The following ZFP2 variants were observed in gnomAD, a reference collection of about 807,000 sequenced individuals.
ZFP2 encodes the protein zinc finger protein ZFP2.
ZFP2 carries 33 observed loss-of-function variants against 36.1 expected under a neutral mutation model. The observed-to-expected ratio is 0.92, with a 90% CI of 0.69 to 1.22. ZFP2 has a LOEUF of 1.22. Among genes scored for constraint, ZFP2 ranks in the 50% most tolerant of loss-of-function variants. ZFP2 has a pLI of 0.00. For missense variants in ZFP2, 522 were observed against 551.4 expected, an observed-to-expected ratio of 0.95 and a Z score of 0.53; for synonymous variants, 170 against 178.0, an observed-to-expected ratio of 0.96 and a Z score of 0.36.
chr5:178,917,034 C>T (rs1758446315), intron 4 of ZFP2, among the ~76,000 whole-genome samples: 1 of 152,028 alleles, frequency 6.6e-6, no homozygotes, highest in Non-Finnish European at 1.5e-5. Context: ...AAGTGCTGTC[C>T]CTGGTGCCAG....
chr5:178,927,241 C>T (rs199686898), intron 4 of ZFP2, among the ~76,000 whole-genome samples: 1 of 152,150 alleles, frequency 6.6e-6, no homozygotes, highest in Non-Finnish European at 1.5e-5. Flanking sequence ...TTAAGGAATG[C>T]GTATTTAGGA....
chr5:178,907,456 T>C (rs556299480), intron 1 of ZFP2, among the ~76,000 whole-genome samples: 1 of 151,776 alleles, frequency 6.6e-6, no homozygotes, highest in South Asian at 2.1e-4. Flanking sequence ...AGCCTGACTT[T>C]AACAAAAAGT....
In ZFP2 at chr5:178,931,745, C is replaced by A; in HGVS notation, c.432C>A (p.Ser144=). Residue 144 remains serine (S), a synonymous_variant, in exon 5 of 5, where the codon TCC becomes TCA. Transcript: ENST00000361362. ...VCGKHFIERS[S]LTVHQRIHTG... Reference sequence around the variant, plus strand: ...GGAAACACTTCATTGAACGATCCTCCCTTACTGTACATCAAAGAATTCATA... The same window carrying A: ...GGAAACACTTCATTGAACGATCCTCACTTACTGTACATCAAAGAATTCATA... The A allele has an allele frequency of 6.2e-7, 1 of 1,614,052 alleles. No individual in the cohort carries two copies. Among genetic ancestry groups the A allele is most frequent in the Non-Finnish European group, 8.5e-7 (1 of 1,179,996 alleles).
At chr5:178,908,921 G>A (rs1758229833) in intron 1 of ZFP2, among the ~76,000 whole-genome samples, 1 of 152,162 alleles carries the variant, frequency 6.6e-6, no homozygotes. Flanking sequence ...GAACGTGTCT[G>A]GGGTCTGGGG....
chr5:178,908,165 C>T lies in ZFP2; in HGVS notation c.-449-4419C>T, dbSNP rs182905021. ...TGTAAATCTTTAAAAATAATTATTA[C>T]TGGCTGGGCGCAGTGGCTCACGTCT... is the stretch of plus-strand genomic sequence containing the variant. On this transcript the variant is annotated intron_variant, in intron 1 of 4. Transcript: ENST00000361362. Among the ~76,000 whole-genome samples the T allele has an allele frequency of 8.5e-5, 13 of 152,136 alleles. No individual in the cohort carries two copies. The East Asian group carries it at 1.7e-3, about 20-fold the overall frequency.
intron 1 of ZFP2, among the ~76,000 whole-genome samples, chr5:178,901,147 T>C (rs1027083086): frequency 6.8e-6 from 1 of 147,946 alleles, no homozygotes; most frequent in Admixed American, 6.7e-5. Context: ...GTATGAGTCT[T>C]TTTGTGGATA....
At chr5:178,916,854 C>T (rs1297533953) in intron 4 of ZFP2, 144 bp downstream of exon 4, 4 of 548,636 alleles carry the variant, frequency 7.3e-6, no homozygotes, top group Non-Finnish European at 9.3e-6. Flanking sequence ...CCTTGCCCTG[C>T]TGTGTTGTTA....
At chr5:178,896,638 T>C (rs1486526694) in intron 1 of ZFP2, among the ~76,000 whole-genome samples, 1 of 152,234 alleles carries the variant, frequency 6.6e-6, no homozygotes, top group Non-Finnish European at 1.5e-5. Context: ...GATTTCACTG[T>C]AGCACAACTG....
rs149928992 is a variant in ZFP2, at chr5:178,910,018, G to A, written c.-449-2566G>A. ...TTCCATAGGGTGATGGCTATTTGCC[G>A]ATGCAGTGACCACTGCCCTTCTTCA... On this transcript the variant is annotated intron_variant, in intron 1 of 4. Coordinates refer to ENST00000361362, the MANE Select transcript of ZFP2 (RefSeq NM_030613.4). 3,388 of 1,442,350 alleles carry A rather than the reference G, an allele frequency of 2.3e-3. 50 individuals are homozygous for A. In the African/African-American group the frequency reaches 0.033, roughly 14 times the overall value. 89.3% of individuals were successfully genotyped at this position (1,442,350 alleles called of 1,614,324 possible). A position where few individuals can be genotyped will look rare whatever the true frequency, so the allele number is the denominator to read the frequency against.
intron 4 of ZFP2, among the ~76,000 whole-genome samples, chr5:178,930,296 T>C (rs1339325834): frequency 6.7e-6 from 1 of 148,156 alleles, no homozygotes; most frequent in Non-Finnish European, 1.5e-5. Context: ...CATATTTCTT[T>C]CTTTTTTTTT....
chr5:178,923,864 G>A (rs1179645786), intron 4 of ZFP2, among the ~76,000 whole-genome samples: 3 of 148,068 alleles, frequency 2.0e-5, no homozygotes, highest in Admixed American at 1.4e-4. Context: ...AAATATGTTT[G>A]AACTTAAAAT....
In ZFP2 at chr5:178,932,025, G is replaced by A; in HGVS notation, c.712G>A (p.Gly238Arg). 1 of 1,613,944 alleles carries A rather than the reference G, an allele frequency of 6.2e-7. No individual in the cohort carries two copies. Among genetic ancestry groups the A allele is most frequent in the Non-Finnish European group, 8.5e-7 (1 of 1,179,996 alleles). ...GACAGTTCATCAGAGAACTCATACA[G>A]GAGAAAAACCCTATGAATGTAATGA... is the stretch of plus-strand genomic sequence containing the variant. ...NLTVHQRTHT[G>R]EKPYECNECG... Residue 238 changes from glycine to arginine, a missense_variant, in exon 5 of 5, where the codon GGA becomes AGA. Coordinates refer to ENST00000361362, the MANE Select transcript of ZFP2 (RefSeq NM_030613.4).
Position 178,933,132 on chromosome 5 carries a change from G to T in ZFP2, c.*433G>T. On this transcript the variant is annotated 3_prime_UTR_variant, in exon 5 of 5. Coordinates refer to ENST00000361362, the MANE Select transcript of ZFP2 (RefSeq NM_030613.4). ...ATGGTTCTTTATTTGGTAAATGAATGATTTTGGAGTTAGAAATCTTGTAGG... is the reference window on the plus strand; with the variant it reads ...ATGGTTCTTTATTTGGTAAATGAATTATTTTGGAGTTAGAAATCTTGTAGG... The T allele has an allele frequency of 5.8e-6, 1 of 171,596 alleles. No homozygotes were observed. The highest frequency in any genetic ancestry group is 1.4e-5 in the Non-Finnish European group (1 of 70,946). 10.6% of individuals were successfully genotyped at this position (171,596 alleles called of 1,614,324 possible). A position where few individuals can be genotyped will look rare whatever the true frequency, so the allele number is the denominator to read the frequency against.
At chr5:178,922,755 T>A (rs1444179527) in intron 4 of ZFP2, 2 of 1,535,210 alleles carry the variant, frequency 1.3e-6, no homozygotes, top group East Asian at 4.6e-5. Context: ...TTGTGCAGAT[T>A]CTGTAAGGGC....
At chr5:178,925,127 A>ATATATATG (rs1758641607) in intron 4 of ZFP2, among the ~76,000 whole-genome samples, 1 of 31,572 alleles carries the variant, frequency 3.2e-5, no homozygotes, top group Admixed American at 3.4e-4. Flanking sequence ...ATATATATAT[A>ATATATATG]CACACACACA....
At chr5:178,915,322 CTT>C (rs769089977) in intron 3 of ZFP2, among the ~76,000 whole-genome samples, 1,108 of 72,634 alleles carry the variant, frequency 0.015, 9 homozygotes, top group African/African-American at 0.027. Flanking sequence ...GTTTTTCTTT[CTT>C]TTTTTTTTTT....
intron 1 of ZFP2, among the ~76,000 whole-genome samples, chr5:178,904,392 CAG>C (rs1758123759): frequency 2.6e-5 from 4 of 152,098 alleles, no homozygotes; most frequent in Non-Finnish European, 2.9e-5. Context: ...GAGTGTCACT[CAG>C]GGCTGTTTTA....
chr5:178,908,256 G>A (rs57153194), intron 1 of ZFP2, among the ~76,000 whole-genome samples: 14,395 of 152,048 alleles, frequency 0.095, 739 homozygotes, highest in Non-Finnish European at 0.12. Flanking sequence ...AGACAATCCT[G>A]GCTAACATGG....
rs769825786 is a variant in ZFP2 at position 178,931,716 on chromosome 5, T to C, written c.403T>C (p.Cys135Arg). Residue 135 changes from cysteine to arginine, a missense_variant, in exon 5 of 5, where the codon TGT (cysteine) becomes CGT (arginine). Coordinates refer to ENST00000361362, the MANE Select transcript of ZFP2 (RefSeq NM_030613.4). Reference sequence around the variant, plus strand: ...GGAGAAACCCTATAAGTGTAATGTATGTGGGAAACACTTCATTGAACGATC... The same window carrying C: ...GGAGAAACCCTATAAGTGTAATGTACGTGGGAAACACTTCATTGAACGATC... ...TGEKPYKCNV[C>R]GKHFIERSSL... 12 of 1,614,060 alleles carry C rather than the reference T, an allele frequency of 7.4e-6. No individual in the cohort carries two copies. The Admixed American group carries it at 1.5e-4, about 20-fold the overall frequency.
Sources: allele counts gnomAD v4.1 joint callset (sites outside exome capture counted in the v4.1 genomes callset), GRCh38; gene constraint gnomAD v4.1.1; transcripts MANE v1.5; gene names NCBI Gene and HGNC (gene_info 2026-07-23, HGNC 2026-07-21).